The following ERLIN1 variants were observed in gnomAD, a reference collection of about 807,000 sequenced individuals.
ERLIN1 encodes ER lipid raft associated 1.
Under a neutral mutation model 46.9 loss-of-function variants are expected in ERLIN1, and 24 were observed. The observed-to-expected ratio is 0.51, with a 90% confidence interval of 0.37 to 0.72. ERLIN1 has a LOEUF of 0.72. ERLIN1 is among the 30% of genes least tolerant of loss of function. The pLI is 0.00. For missense variants in ERLIN1, 293 were observed against 417.9 expected (o/e 0.70, Z 2.61); for synonymous variants, 158 against 143.2 (o/e 1.10, Z -0.74).
chr10:100,175,819 T>C (rs1482591912), intron 5 of ERLIN1, 126 bp downstream of exon 5: 6 of 675,786 alleles, frequency 8.9e-6, no homozygotes, highest in Non-Finnish European at 1.3e-5. Context: ...TTAAAGACAA[T>C]TGCTCTATGA....
At chr10:100,157,831 G>A (rs766444489) in intron 8 of ERLIN1, among the ~76,000 whole-genome samples, 2 of 152,178 alleles carry the variant, frequency 1.3e-5, no homozygotes, top group African/African-American at 2.4e-5. Flanking sequence ...ATTCAACAAA[G>A]CTCTGTCATG....
chr10:100,174,442 A>G (rs1330021587), intron 5 of ERLIN1, among the ~76,000 whole-genome samples, 161 bp from the exon 6 acceptor site: 1 of 152,190 alleles, frequency 6.6e-6, no homozygotes, highest in Non-Finnish European at 1.5e-5. Context: ...GTGGGAAAAA[A>G]ATTGCAAGGA....
chr10:100,157,763 C>T (rs11190405), intron 8 of ERLIN1, among the ~76,000 whole-genome samples: 9,116 of 152,210 alleles, frequency 0.06, 465 homozygotes, highest in South Asian at 0.26. Flanking sequence ...GATCTGAAGC[C>T]TGCAGCTAGA....
chr10:100,154,981 G>T, intron 9 of ERLIN1, 42 bp from the exon 10 acceptor site: 1 of 1,518,290 alleles, frequency 6.6e-7, no homozygotes, highest in Non-Finnish European at 9.1e-7. Context: ...CATTCCCTCA[G>T]CTAGTTAAGA....
At chr10:100,170,056 T>C (rs2134146183) in intron 6 of ERLIN1, among the ~76,000 whole-genome samples, 1 of 152,248 alleles carries the variant, frequency 6.6e-6, no homozygotes, top group East Asian at 1.9e-4. Flanking sequence ...TATGACCACT[T>C]AGGTGCCTGA....
chr10:100,154,027 C>T (rs1842938764), intron 10 of ERLIN1, among the ~76,000 whole-genome samples: 1 of 152,170 alleles, frequency 6.6e-6, no homozygotes, highest in South Asian at 2.1e-4. Flanking sequence ...TATCTTAAAA[C>T]TTGACTCTAA....
chr10:100,157,643 G>A (rs1564799228), intron 8 of ERLIN1, among the ~76,000 whole-genome samples: 1 of 152,112 alleles, frequency 6.6e-6, no homozygotes, highest in Non-Finnish European at 1.5e-5. Context: ...CTCCACCAAT[G>A]TAAAATCAAT....
chr10:100,185,682 C>T lies in ERLIN1; in HGVS notation c.-56G>A. The T allele has an allele frequency of 7.1e-7, 1 of 1,404,192 alleles. No homozygotes were observed. The highest frequency in any genetic ancestry group is 1.0e-6 in the Non-Finnish European group (1 of 991,076). 87.0% of individuals were successfully genotyped at this position (1,404,192 alleles called of 1,614,324 possible). On this transcript the variant is annotated 5_prime_UTR_variant, in exon 1 of 11. An upstream open reading frame in the 5' UTR gains an earlier in-frame stop. Coordinates refer to ENST00000421367, the MANE Select transcript of ERLIN1 (RefSeq NM_006459.4). ...ACCCTCAGTCCCGTGAGTGACAGGT[C>T]CACCCCCTCCAGTTTCTACCCTCTC...
intron 6 of ERLIN1, among the ~76,000 whole-genome samples, chr10:100,172,200 T>C (rs1190126026): frequency 6.6e-6 from 1 of 152,232 alleles, no homozygotes; most frequent in Non-Finnish European, 1.5e-5. Flanking sequence ...ACCAAACCTA[T>C]ATTTTTGTTT....
At chr10:100,180,186 G>A (rs1442183193) in intron 2 of ERLIN1, among the ~76,000 whole-genome samples, 1 of 152,140 alleles carries the variant, frequency 6.6e-6, no homozygotes, top group Non-Finnish European at 1.5e-5. Flanking sequence ...TCACACCTTT[G>A]TTCAGATCCA....
intron 8 of ERLIN1, among the ~76,000 whole-genome samples, chr10:100,161,738 TTGGAAAATAATAGATTA>T (rs1843373599): frequency 1.3e-5 from 2 of 152,058 alleles, no homozygotes; most frequent in Admixed American, 6.6e-5. Context: ...GACCAAAAAA[TTGGAAAATAATAGATTA>T]TGGCATCAGA....
intron 4 of ERLIN1, 36 bp downstream of exon 4, chr10:100,178,097 A>C: frequency 7.4e-7 from 1 of 1,343,406 alleles, no homozygotes; most frequent in Non-Finnish European, 1.0e-6. Context: ...TCCTCTGGCT[A>C]TAACTATAAA....
intron 6 of ERLIN1, among the ~76,000 whole-genome samples, chr10:100,172,601 G>A (rs1437523148): frequency 6.6e-6 from 1 of 152,112 alleles, no homozygotes; most frequent in East Asian, 1.9e-4. Flanking sequence ...ACAACCAAAG[G>A]AATGCAAATC....
intron 8 of ERLIN1, among the ~76,000 whole-genome samples, chr10:100,157,363 A>G (rs1843135042): frequency 1.3e-5 from 2 of 152,222 alleles, no homozygotes; most frequent in South Asian, 4.1e-4. Flanking sequence ...GTACATGCAG[A>G]GGAAACTCAA....
intron 7 of ERLIN1, 92 bp from the exon 8 acceptor site, chr10:100,164,187 T>G (rs1843507660): frequency 1.3e-6 from 1 of 777,166 alleles, no homozygotes; most frequent in South Asian, 1.7e-5. Flanking sequence ...CAGAGAACCG[T>G]TTTGTCAACA....
intron 4 of ERLIN1, among the ~76,000 whole-genome samples, chr10:100,177,480 T>C (rs1363574494): frequency 6.6e-6 from 1 of 152,234 alleles, no homozygotes; most frequent in African/African-American, 2.4e-5. Context: ...CTCTGTATTA[T>C]GTCTTCTCAA....
intron 6 of ERLIN1, among the ~76,000 whole-genome samples, chr10:100,169,488 T>C (rs1454209357): frequency 6.6e-6 from 1 of 151,988 alleles, no homozygotes; most frequent in Non-Finnish European, 1.5e-5. Context: ...AAAAATGGTA[T>C]ATAAATATAT....
At chr10:100,155,525 T>A (rs1019145713) in intron 9 of ERLIN1, among the ~76,000 whole-genome samples, 2 of 151,804 alleles carry the variant, frequency 1.3e-5, no homozygotes, top group Non-Finnish European at 2.9e-5. Flanking sequence ...ATTTTTTTTT[T>A]ATTTTTTGAG....
intron 7 of ERLIN1, among the ~76,000 whole-genome samples, chr10:100,166,682 C>T (rs893847660): frequency 3.9e-5 from 6 of 152,166 alleles, no homozygotes; most frequent in Non-Finnish European, 5.9e-5. Flanking sequence ...ACACATCAGC[C>T]AAATTTCCTA....
Sources: allele counts gnomAD v4.1 joint callset (sites outside exome capture counted in the v4.1 genomes callset), GRCh38; gene constraint gnomAD v4.1.1; transcripts MANE v1.5; gene names NCBI Gene and HGNC (gene_info 2026-07-23, HGNC 2026-07-21).